The following METTL15 variants were observed in gnomAD, a reference collection of about 807,000 sequenced individuals.
METTL15 encodes the protein 12S rRNA N(4)-cytidine methyltransferase METTL15.
Under a neutral mutation model 38.3 loss-of-function variants are expected in METTL15, and 34 were observed. The ratio of observed to expected loss-of-function variants is 0.89; its 90% CI spans 0.68 to 1.18. The LOEUF (loss-of-function observed/expected upper bound fraction) is 1.18, where lower values mean the gene tolerates loss of function less well. METTL15 is among the 50% of genes most tolerant of loss of function. The pLI is 0.00. For synonymous variants in METTL15, 162 were observed against 170.9 expected (o/e 0.95, Z 0.41); for missense variants, 438 against 498.4 (o/e 0.88, Z 1.15).
chr11:28,314,677 A>T (rs1857419486), intron 6 of METTL15, among the ~76,000 whole-genome samples: 1 of 152,190 alleles, frequency 6.6e-6, no homozygotes, highest in Non-Finnish European at 1.5e-5. Context: ...AAATGAAGAC[A>T]TAGGTAGTTG....
rs777149238 is a variant in METTL15, at chr11:28,367,960, C to G, written c.*358+5924C>G. On this transcript the variant is annotated intron_variant and NMD_transcript_variant, in intron 5 of 7. Transcript: ENST00000532947. ...AAATCAACTCAAGATGGATCAAAGA[C>G]TTAAACGTAAGACCTAGCACCATAA... 4.6e-5 allele frequency among the ~76,000 whole-genome samples: 7 copies of G among 151,998 alleles called. No individual in the cohort carries two copies. The South Asian group carries it at 1.2e-3, about 27-fold the overall frequency.
intron 3 of METTL15, among the ~76,000 whole-genome samples, chr11:28,141,222 G>A (rs1219354090): frequency 6.6e-6 from 1 of 152,142 alleles, no homozygotes; most frequent in African/African-American, 2.4e-5. Flanking sequence ...TCATGGTATT[G>A]TCCAAACTGT....
rs1158155093 is a variant in METTL15, at chr11:28,511,425, G to A, written c.*425-15053G>A. Among the ~76,000 whole-genome samples the A allele has an allele frequency of 3.3e-5, 5 of 152,280 alleles. No homozygotes were observed. In the South Asian group the frequency reaches 6.2e-4, roughly 19 times the overall value. On this transcript the variant is annotated intron_variant and NMD_transcript_variant, in intron 6 of 7. Transcript: ENST00000532947. ...AGAAAATGTGTTTACTATTGTGTTC[G>A]GAATTGGTGGGTTCTTGGTCTCACT...
At chr11:28,314,388 C>T (rs577770523) in intron 6 of METTL15, among the ~76,000 whole-genome samples, 1 of 152,306 alleles carries the variant, frequency 6.6e-6, no homozygotes, top group South Asian at 2.1e-4. Context: ...AAAGGCAGCA[C>T]TGTTAATCAT....
intron 3 of METTL15, among the ~76,000 whole-genome samples, chr11:28,127,864 T>G (rs1852562230): frequency 6.6e-6 from 1 of 152,148 alleles, no homozygotes; most frequent in Admixed American, 6.6e-5. Context: ...TTTGCCAGCT[T>G]AGTAACCATG....
chr11:28,298,026 C>G (rs999554510), intron 6 of METTL15, among the ~76,000 whole-genome samples: 2 of 151,874 alleles, frequency 1.3e-5, no homozygotes, highest in African/African-American at 4.8e-5. Flanking sequence ...ATATAAAGAG[C>G]TGACTAGCCT....
intron 3 of METTL15, among the ~76,000 whole-genome samples, chr11:28,192,289 A>G (rs1010169969): frequency 7.2e-5 from 11 of 151,910 alleles, no homozygotes; most frequent in East Asian, 1.9e-4. Flanking sequence ...GTGAATATCT[A>G]CTTATTTTGG....
rs900301906 is a variant in METTL15, at chr11:28,122,496, CAT to C, written c.270+8895_270+8896del. On this transcript the variant is annotated intron_variant, in intron 3 of 6. Transcript: ENST00000407364. The stretch of plus-strand genomic sequence containing the variant: ...TTATTTATAACTAAAATGAAAATAA[CAT>C]ATTTTTTCATGCTTATTTTTTCCAT... Among the ~76,000 whole-genome samples, 9 of 150,946 alleles carry C rather than the reference CAT, an allele frequency of 6.0e-5. No homozygotes were observed. The East Asian group carries it at 1.2e-3, about 20-fold the overall frequency.
intron 6 of METTL15, among the ~76,000 whole-genome samples, chr11:28,446,765 C>A (rs1287716584): frequency 6.6e-6 from 1 of 151,950 alleles, no homozygotes; most frequent in Non-Finnish European, 1.5e-5. Flanking sequence ...TTGTAAAGTA[C>A]AAATTCAAAA....
intron 3 of METTL15, among the ~76,000 whole-genome samples, chr11:28,176,286 A>G (rs1397632636): frequency 1.3e-5 from 2 of 152,088 alleles, no homozygotes; most frequent in African/African-American, 4.8e-5. Flanking sequence ...TTGTGTTTAT[A>G]CAGTTTTTCT....
chr11:28,128,808 G>T, intron 3 of METTL15, among the ~76,000 whole-genome samples: 1 of 152,214 alleles, frequency 6.6e-6, no homozygotes, highest in Middle Eastern at 3.4e-3. Flanking sequence ...AGTCTTAGGT[G>T]ATTTGGGATA....
intron 4 of METTL15, among the ~76,000 whole-genome samples, chr11:28,267,184 G>T (rs1041722011): frequency 8.2e-5 from 11 of 133,730 alleles, no homozygotes; most frequent in African/African-American, 3.1e-4. Flanking sequence ...AAAAAAAAAA[G>T]AGTGAAGAAT....
intron 5 of METTL15, among the ~76,000 whole-genome samples, chr11:28,379,713 A>T (rs996262091): frequency 2.0e-5 from 3 of 152,146 alleles, no homozygotes; most frequent in African/African-American, 7.2e-5. Context: ...TGTAAATGTC[A>T]GTTAGGATTT....
chr11:28,456,166 T>A (rs1169839821), intron 6 of METTL15, among the ~76,000 whole-genome samples: 1 of 148,170 alleles, frequency 6.7e-6, no homozygotes, highest in Non-Finnish European at 1.5e-5. Context: ...CCACCATGCC[T>A]GGCTAATTTT....
intron 3 of METTL15, among the ~76,000 whole-genome samples, chr11:28,167,525 C>A (rs1253620709): frequency 6.6e-6 from 1 of 151,786 alleles, no homozygotes; most frequent in African/African-American, 2.4e-5. Flanking sequence ...TTTAACTGTC[C>A]CTGAGTCTTA....
At position 28,139,892 on chromosome 11, in the gene METTL15, G is replaced by A. The variant is rs147895035; in HGVS notation, c.270+26288G>A. Among the ~76,000 whole-genome samples the A allele has an allele frequency of 7.0e-3, 1,072 of 152,318 alleles. 9 individuals carry two copies. Among genetic ancestry groups the A allele is most frequent in the Non-Finnish European group, 0.011 (744 of 68,030 alleles). On this transcript the variant is annotated intron_variant, in intron 3 of 6. Coordinates refer to ENST00000407364, the MANE Select transcript of METTL15 (RefSeq NM_001113528.2). The stretch of plus-strand genomic sequence containing the variant: ...AAATCCTCTAGCTCTATGCAAATGG[G>A]TTCCTCCAACAGGGAGAGAAACTCT...
At chr11:28,222,445 G>A (rs1024388569) in intron 4 of METTL15, among the ~76,000 whole-genome samples, 7 of 152,164 alleles carry the variant, frequency 4.6e-5, no homozygotes, top group South Asian at 4.1e-4. Context: ...TCCAGGTGCC[G>A]TCTGTCACCC....
intron 6 of METTL15, among the ~76,000 whole-genome samples, chr11:28,472,284 G>A (rs993966326): frequency 3.3e-5 from 5 of 152,118 alleles, no homozygotes; most frequent in African/African-American, 1.2e-4. Flanking sequence ...ATAGATATCA[G>A]TTTGGGGGCT....
intron 6 of METTL15, among the ~76,000 whole-genome samples, chr11:28,299,143 T>A (rs180758625): frequency 6.6e-6 from 1 of 152,132 alleles, no homozygotes; most frequent in Admixed American, 6.6e-5. Context: ...CCTATAAAAA[T>A]ATACATATAT....
Sources: allele counts gnomAD v4.1 joint callset (sites outside exome capture counted in the v4.1 genomes callset), GRCh38; gene constraint gnomAD v4.1.1; transcripts MANE v1.5; gene names NCBI Gene and HGNC (gene_info 2026-07-23, HGNC 2026-07-21).